The following LARS2 variants were observed in gnomAD, a reference collection of about 807,000 sequenced individuals.
The protein encoded by LARS2 is leucine--tRNA ligase, mitochondrial.
A neutral mutation model predicts 116.6 loss-of-function variants in LARS2; 81 were observed. That is an observed-to-expected ratio of 0.69 (90% CI 0.58 to 0.84). The LOEUF (loss-of-function observed/expected upper bound fraction) is 0.84. Among genes scored for constraint, LARS2 ranks in the 40% least tolerant of loss-of-function variants. The probability of loss-of-function intolerance (pLI) is 0.00; values close to 1 mark genes in which losing one functional copy is unlikely to be tolerated. For synonymous variants in LARS2, 396 were observed against 407.2 expected (o/e 0.97, Z 0.33); for missense variants, 968 against 1,114.5 (o/e 0.87, Z 1.87).
intron 15 of LARS2, among the ~76,000 whole-genome samples, chr3:45,500,861 C>T (rs1370825522): frequency 6.6e-6 from 1 of 152,054 alleles, no homozygotes; most frequent in Non-Finnish European, 1.5e-5. Flanking sequence ...AGGAGTGGCC[C>T]ATAGTGTTTT....
At chr3:45,476,923 T>C (rs190829686) in intron 10 of LARS2, among the ~76,000 whole-genome samples, 13 of 152,314 alleles carry the variant, frequency 8.5e-5, no homozygotes, top group Admixed American at 7.2e-4. Flanking sequence ...TAGTTATAAA[T>C]TAGGAGAAGA....
chr3:45,484,618 A>ATATATATATATATAT lies in LARS2; in HGVS notation c.1019-1074_1019-1073insTATATATATATATAT, dbSNP rs1223081345. On this transcript the variant is annotated intron_variant, in intron 10 of 21. Coordinates refer to ENST00000645846, the MANE Select transcript of LARS2 (RefSeq NM_015340.4). Reference sequence around the variant, plus strand: ...CCTGTCTCTACAAAAAAAAAAAAAAAAAAAAAAAAAAAATATATATATATA... The same window carrying ATATATATATATATAT: ...CCTGTCTCTACAAAAAAAAAAAAAAATATATATATATATATAAAAAAAAAAAAATATATATATATA... Among the ~76,000 whole-genome samples the ATATATATATATATAT allele has an allele frequency of 4.5e-3, 63 of 13,874 alleles. 1 individual carries two copies. The highest frequency in any genetic ancestry group is 0.083 in the Middle Eastern group (1 of 12). 9.1% of individuals were successfully genotyped at this position (13,874 alleles called of 152,430 possible). A position where few individuals can be genotyped will look rare whatever the true frequency, so the allele number is the denominator to read the frequency against.
intron 7 of LARS2, among the ~76,000 whole-genome samples, chr3:45,455,399 A>C (rs146660095): frequency 6.6e-6 from 1 of 152,142 alleles, no homozygotes; most frequent in African/African-American, 2.4e-5. Context: ...TTTATGTTTC[A>C]TACAGTTTTA....
At chr3:45,462,128 T>A (rs1255382763) in intron 8 of LARS2, among the ~76,000 whole-genome samples, 1 of 152,132 alleles carries the variant, frequency 6.6e-6, no homozygotes, top group African/African-American at 2.4e-5. Context: ...AAATGGTGGC[T>A]TAAACAAATG....
chr3:45,514,739 C>G (rs1376308778), intron 16 of LARS2, among the ~76,000 whole-genome samples: 1 of 152,216 alleles, frequency 6.6e-6, no homozygotes, highest in Non-Finnish European at 1.5e-5. Context: ...AACTTCTCAA[C>G]TTTTCTGCCC....
At position 45,507,315 on chromosome 3, in the gene LARS2, C is replaced by G. The variant is rs1259747882; in HGVS notation, c.1761-5820C>G. ...TGCCATCTTCCATGTAGTAAGGAAG[C>G]TAGCATAAGAGCAGCTCTCATATAT... On this transcript the variant is annotated intron_variant, in intron 15 of 21. Transcript: ENST00000645846. 3.9e-5 allele frequency among the ~76,000 whole-genome samples: 6 copies of G among 152,132 alleles called. 1 individual carries two copies. Among genetic ancestry groups the G allele is most frequent in the African/African-American group, 7.2e-5 (3 of 41,536 alleles).
intron 12 of LARS2, among the ~76,000 whole-genome samples, chr3:45,489,393 A>G (rs1699872622): frequency 2.0e-5 from 3 of 152,266 alleles, no homozygotes; most frequent in Admixed American, 2.0e-4. Flanking sequence ...AAACTTGAGC[A>G]CACATCAGAG....
At chr3:45,441,052 G>A (rs1297402438) in intron 6 of LARS2, among the ~76,000 whole-genome samples, 2 of 133,402 alleles carry the variant, frequency 1.5e-5, no homozygotes, top group African/African-American at 5.6e-5. Flanking sequence ...TTGAGACGGA[G>A]TCTTGCTCTG....
At chr3:45,457,045 G>A (rs976178343) in intron 7 of LARS2, among the ~76,000 whole-genome samples, 1 of 152,246 alleles carries the variant, frequency 6.6e-6, no homozygotes, top group African/African-American at 2.4e-5. Context: ...GGACGGCAAT[G>A]CGTTTGACCC....
rs187335778 is a variant in LARS2 at position 45,541,919 on chromosome 3, T to A, written c.2495T>A (p.Phe832Tyr). The A allele has an allele frequency of 2.7e-5, 44 of 1,614,232 alleles. No individual in the cohort carries two copies. The East Asian group carries it at 9.4e-4, about 34-fold the overall frequency. The change falls in exon 21 of 22, where the codon TTC (phenylalanine) becomes TAC (tyrosine). Residue 832 changes from phenylalanine to tyrosine, a missense_variant. Coordinates refer to ENST00000645846, the MANE Select transcript of LARS2 (RefSeq NM_015340.4). ...LQAWPAVDPE[F>Y]LQQPEVVQMA... ...GCATGGCCTGCTGTGGACCCGGAGTTCCTGCAGCAGCCTGAGGTTGTCCAG... is the reference window on the plus strand; with the variant it reads ...GCATGGCCTGCTGTGGACCCGGAGTACCTGCAGCAGCCTGAGGTTGTCCAG...
intron 7 of LARS2, among the ~76,000 whole-genome samples, chr3:45,455,559 A>G (rs1001538106): frequency 3.9e-5 from 6 of 152,100 alleles, no homozygotes; most frequent in Admixed American, 2.0e-4. Context: ...GTAAATTGCT[A>G]TAGCCATTAT....
intron 3 of LARS2, among the ~76,000 whole-genome samples, chr3:45,394,893 G>T (rs367604121): frequency 4.6e-5 from 7 of 152,296 alleles, no homozygotes; most frequent in African/African-American, 1.7e-4. Flanking sequence ...TAAATGGATT[G>T]GGAGGCATAA....
At chr3:45,471,062 AAAAAAAG>A (rs1699516365) in intron 8 of LARS2, among the ~76,000 whole-genome samples, 3 of 150,424 alleles carry the variant, frequency 2.0e-5, no homozygotes, top group Non-Finnish European at 1.5e-5. Context: ...AAAAAAAAAA[AAAAAAAG>A]AAGGATATAA....
chr3:45,444,434 T>C (rs541953905), intron 6 of LARS2, among the ~76,000 whole-genome samples: 8 of 147,954 alleles, frequency 5.4e-5, no homozygotes, highest in African/African-American at 1.5e-4. Flanking sequence ...GAGGCCGAGG[T>C]GGGCGGATCA....
chr3:45,409,182 T>A (rs923321828), intron 4 of LARS2, among the ~76,000 whole-genome samples: 1 of 148,946 alleles, frequency 6.7e-6, no homozygotes, highest in Admixed American at 6.8e-5. Context: ...TAAATAGAGA[T>A]GCCAATAATT....
intron 12 of LARS2, 92 bp from the exon 13 acceptor site, chr3:45,491,425 C>A: frequency 7.2e-7 from 1 of 1,394,300 alleles, no homozygotes; most frequent in Non-Finnish European, 1.0e-6. Flanking sequence ...CTTGGGAGAG[C>A]CACACATAAA....
intron 6 of LARS2, among the ~76,000 whole-genome samples, chr3:45,441,549 C>T (rs1698912324): frequency 6.6e-6 from 1 of 152,238 alleles, no homozygotes; most frequent in South Asian, 2.1e-4. Flanking sequence ...AGACCATACT[C>T]TCCCAGGCTC....
intron 6 of LARS2, among the ~76,000 whole-genome samples, chr3:45,427,215 A>G (rs1204101420): frequency 1.3e-5 from 2 of 152,242 alleles, no homozygotes; most frequent in East Asian, 3.8e-4. Context: ...TACGATGGGC[A>G]TCAGGAGTAG....
intron 6 of LARS2, among the ~76,000 whole-genome samples, chr3:45,433,405 C>T (rs1235042303): frequency 6.6e-6 from 1 of 151,878 alleles, no homozygotes; most frequent in Non-Finnish European, 1.5e-5. Context: ...GTTTTAGTAT[C>T]CCATTGGGTA....
Sources: gnomAD v4.1 joint callset for allele counts (sites outside exome capture counted in the v4.1 genomes callset) on GRCh38, gnomAD v4.1.1 for gene constraint, MANE v1.5 for transcripts, NCBI Gene and HGNC (gene_info 2026-07-23, HGNC 2026-07-21) for gene names.